KLHL7: variants seen among roughly 807,000 people sequenced by gnomAD.
The protein encoded by KLHL7 is kelch like family member 7.
Under a neutral mutation model 67.4 loss-of-function variants are expected in KLHL7, and 44 were observed. That is an observed-to-expected ratio of 0.65 (90% confidence interval 0.51 to 0.84). The LOEUF is 0.84. Among genes scored for constraint, KLHL7 ranks in the 40% least tolerant of loss-of-function variants. The pLI is 0.00. For synonymous variants in KLHL7, 252 were observed against 243.3 expected (o/e 1.04, Z -0.33); for missense variants, 362 against 718.1 (o/e 0.50, Z 5.67).
At chr7:23,155,282 T>C (rs1784666736) in intron 7 of KLHL7, among the ~76,000 whole-genome samples, 2 of 152,196 alleles carry the variant, frequency 1.3e-5, no homozygotes. Context: ...ATTTGTGTTT[T>C]TTAATTTTTC....
chr7:23,157,265 C>G (rs1248382407), intron 7 of KLHL7, among the ~76,000 whole-genome samples: 2 of 152,200 alleles, frequency 1.3e-5, no homozygotes, highest in African/African-American at 2.4e-5. Flanking sequence ...AACACTGCTA[C>G]AATGATCAGA....
At chr7:23,161,033 A>G (rs1583722382) in intron 7 of KLHL7, among the ~76,000 whole-genome samples, 1 of 152,196 alleles carries the variant, frequency 6.6e-6, no homozygotes, top group East Asian at 1.9e-4. Context: ...AACATTTAGC[A>G]CTAGTATAGG....
At chr7:23,166,018 C>G (rs1371785688) in intron 8 of KLHL7, 80 bp downstream of exon 8, 102 of 1,447,042 alleles carry the variant, frequency 7.0e-5, no homozygotes, top group Non-Finnish European at 9.7e-5. Context: ...AAATAAACAG[C>G]TGGTATTATT....
intron 6 of KLHL7, among the ~76,000 whole-genome samples, chr7:23,150,890 A>G (rs1301356512): frequency 6.6e-6 from 1 of 152,210 alleles, no homozygotes; most frequent in Admixed American, 6.5e-5. Flanking sequence ...TAAGAGTTAT[A>G]GTTCTTTTTC....
chr7:23,106,380 T>A, intron 1 of KLHL7: 1 of 1,366,450 alleles, frequency 7.3e-7, no homozygotes, highest in East Asian at 3.0e-5. Context: ...GTCAGACTCC[T>A]GGGGGACTCC....
rs544099806 is a variant in KLHL7 at position 23,125,668 on chromosome 7, A to C, written c.442+496A>C. 237 of 1,376,270 alleles carry C rather than the reference A, an allele frequency of 1.7e-4. 5 individuals carry two copies. In the South Asian group the frequency reaches 4.1e-3, roughly 24 times the overall value. 85.3% of individuals were successfully genotyped at this position (1,376,270 alleles called of 1,614,324 possible). On this transcript the variant is annotated intron_variant, in intron 4 of 10. Coordinates refer to ENST00000339077, the MANE Select transcript of KLHL7 (RefSeq NM_001031710.3). The stretch of plus-strand genomic sequence containing the variant: ...GTCAAAATGCTGTTTTATACTAGAA[A>C]ACATAACCTTAGTCTATAAATTAAG...
intron 7 of KLHL7, 92 bp downstream of exon 7, chr7:23,152,301 C>A: frequency 1.8e-6 from 2 of 1,116,168 alleles, no homozygotes; most frequent in African/African-American, 1.5e-5. Flanking sequence ...ATAACTCATA[C>A]CTTTAGAGAT....
At chr7:23,170,755 A>G (rs1211234428) in intron 9 of KLHL7, among the ~76,000 whole-genome samples, 1 of 152,214 alleles carries the variant, frequency 6.6e-6, no homozygotes, top group Non-Finnish European at 1.5e-5. Context: ...CCATAAAAAT[A>G]TGTACATGTA....
intron 1 of KLHL7, among the ~76,000 whole-genome samples, chr7:23,117,421 C>T (rs183599272): frequency 2.3e-3 from 347 of 152,098 alleles, no homozygotes; most frequent in Non-Finnish European, 3.1e-3. Flanking sequence ...TCTTCTATTC[C>T]TGTTTGGTCC....
intron 7 of KLHL7, among the ~76,000 whole-genome samples, chr7:23,159,341 T>A (rs531439879): frequency 6.7e-4 from 102 of 151,992 alleles, no homozygotes; most frequent in African/African-American, 2.2e-3. Context: ...TTAAAAAAAA[T>A]TTTTTTGTGT....
At position 23,175,673 on chromosome 7, in the gene KLHL7, T is replaced by C. The variant is rs1785281010; in HGVS notation, c.*1375T>C. ...ATACAATTCACCATTTAAAGTATAC[T>C]ATTCAGGCCAGGCACAGTGGCTCAC... On this transcript the variant is annotated 3_prime_UTR_variant, in exon 11 of 11. Transcript: ENST00000339077. 2 of 245,844 alleles carry C rather than the reference T, an allele frequency of 8.1e-6. No individual in the cohort carries two copies. Among genetic ancestry groups the C allele is most frequent in the Non-Finnish European group, 1.6e-5 (2 of 126,996 alleles). 15.2% of individuals were successfully genotyped at this position (245,844 alleles called of 1,614,324 possible). A position where few individuals can be genotyped will look rare whatever the true frequency, so the allele number is the denominator to read the frequency against.
chr7:23,163,018 C>T (rs1391418340), intron 7 of KLHL7, among the ~76,000 whole-genome samples: 1 of 152,130 alleles, frequency 6.6e-6, no homozygotes, highest in Non-Finnish European at 1.5e-5. Flanking sequence ...CTTTTTACTA[C>T]AGTATTTCTA....
At chr7:23,129,235 G>C (rs777181413) in intron 4 of KLHL7, 1 of 227,236 alleles carries the variant, frequency 4.4e-6, no homozygotes, top group Non-Finnish European at 8.7e-6. Context: ...CCTGGGCTTA[G>C]GCAAGGGCAC....
Position 23,177,685 on chromosome 7 carries a change from G to GT in KLHL7, c.*3388dup, listed in dbSNP as rs1785320439. ...GCAATGATATTATTTTGATGACAAAGTAAGTTTATGCTTTCAAAAATCACA... is the reference window on the plus strand; with the variant it reads ...GCAATGATATTATTTTGATGACAAAGTTAAGTTTATGCTTTCAAAAATCACA... On this transcript the variant is annotated 3_prime_UTR_variant, in exon 11 of 11. Transcript: ENST00000339077. The GT allele has an allele frequency of 1.3e-5, 2 of 152,104 alleles. No homozygotes were observed. The highest frequency in any genetic ancestry group is 4.8e-5 in the African/African-American group (2 of 41,420). The allele number at this position is 152,104 out of a possible 1,614,324, so 9.4% of individuals were successfully genotyped here.
At chr7:23,148,744 T>A (rs966210117) in intron 6 of KLHL7, among the ~76,000 whole-genome samples, 6 of 152,246 alleles carry the variant, frequency 3.9e-5, no homozygotes, top group Non-Finnish European at 5.9e-5. Flanking sequence ...TCTGAACTGA[T>A]TAAGAAACAG....
intron 4 of KLHL7, among the ~76,000 whole-genome samples, chr7:23,137,615 A>G (rs905473139): frequency 6.6e-6 from 1 of 151,042 alleles, no homozygotes; most frequent in African/African-American, 2.4e-5. Flanking sequence ...AGTAGCTGGG[A>G]TTACAGGCAC....
intron 4 of KLHL7, among the ~76,000 whole-genome samples, chr7:23,127,772 G>A (rs980254849): frequency 1.3e-5 from 2 of 152,072 alleles, no homozygotes; most frequent in Non-Finnish European, 2.9e-5. Context: ...TACTCCGGAG[G>A]CCGAGGCGGG....
intron 7 of KLHL7, among the ~76,000 whole-genome samples, chr7:23,157,608 G>GAC (rs1784745693): frequency 7.8e-5 from 3 of 38,380 alleles, no homozygotes; most frequent in African/African-American, 7.9e-5. Context: ...CCAAAATAGA[G>GAC]AGTCTCAATT....
At chr7:23,173,463 T>C (rs2128470513) in intron 10 of KLHL7, among the ~76,000 whole-genome samples, 1 of 152,348 alleles carries the variant, frequency 6.6e-6, no homozygotes, top group Admixed American at 6.5e-5. Flanking sequence ...AAAATATCAA[T>C]ATTGTAATTT....
Sources: allele counts gnomAD v4.1 joint callset (sites outside exome capture counted in the v4.1 genomes callset), GRCh38; gene constraint gnomAD v4.1.1; transcripts MANE v1.5; gene names NCBI Gene and HGNC (gene_info 2026-07-23, HGNC 2026-07-21).